The following PHACTR1 variants were observed in gnomAD, a reference collection of about 807,000 sequenced individuals.
PHACTR1 encodes phosphatase and actin regulator 1, also known as RPEL repeat containing 1.
Under a neutral mutation model 69.2 loss-of-function variants are expected in PHACTR1, and 16 were observed. The observed-to-expected ratio is 0.23, with a 90% CI of 0.16 to 0.35. PHACTR1 has a LOEUF of 0.35. Ranked by LOEUF, PHACTR1 falls within the 10% of genes least tolerant of loss-of-function variation. The probability of loss-of-function intolerance (pLI) is 1.00; values close to 1 mark genes in which losing one functional copy is unlikely to be tolerated. For missense variants in PHACTR1, 510 were observed against 734.7 expected (o/e 0.69, Z 3.54); for synonymous variants, 312 against 284.5 (o/e 1.10, Z -0.97).
intron 5 of PHACTR1, among the ~76,000 whole-genome samples, chr6:13,096,357 C>A (rs2127844832): frequency 6.6e-6 from 1 of 152,238 alleles, no homozygotes; most frequent in East Asian, 1.9e-4. Flanking sequence ...GAGATTAAAC[C>A]AATGCTTCAG....
chr6:13,109,852 G>GTGTGTGTGTGTC (rs1816757992), intron 5 of PHACTR1, among the ~76,000 whole-genome samples: 1 of 148,702 alleles, frequency 6.7e-6, no homozygotes. Flanking sequence ...GTGTGTGTGT[G>GTGTGTGTGTGTC]TGTGTGTGTG....
At chr6:13,056,689 G>A (rs1308755888) in intron 5 of PHACTR1, among the ~76,000 whole-genome samples, 1 of 152,150 alleles carries the variant, frequency 6.6e-6, no homozygotes, top group Non-Finnish European at 1.5e-5. Flanking sequence ...ATGGGCAAGT[G>A]GGAATTTACA....
At chr6:12,777,432 T>C (rs992054885) in intron 4 of PHACTR1, among the ~76,000 whole-genome samples, 1 of 151,684 alleles carries the variant, frequency 6.6e-6, no homozygotes, top group Non-Finnish European at 1.5e-5. Flanking sequence ...GTATCTTTCT[T>C]TGTTTCCAGG....
At position 13,156,232 on chromosome 6, in the gene PHACTR1, A is replaced by G. The variant is rs183788179; in HGVS notation, c.416-3972A>G. 4.7e-3 allele frequency among the ~76,000 whole-genome samples: 710 copies of G among 152,266 alleles called. 11 individuals are homozygous for G. Among genetic ancestry groups the G allele is most frequent in the African/African-American group, 0.016 (663 of 41,558 alleles). On this transcript the variant is annotated intron_variant, in intron 5 of 14. Coordinates refer to ENST00000332995, the MANE Select transcript of PHACTR1 (RefSeq NM_030948.6). ...AGATTAAGTTAAGTAACAATTTTTC[A>G]TGCTTCTCAAAATAATCTGTGCATT...
chr6:13,261,992 T>C (rs1235644437), intron 10 of PHACTR1, among the ~76,000 whole-genome samples: 1 of 152,202 alleles, frequency 6.6e-6, no homozygotes, highest in Non-Finnish European at 1.5e-5. Context: ...ACTGAGTGTT[T>C]TGACTCTGTC....
At chr6:12,916,214 G>T (rs1378492802) in intron 4 of PHACTR1, among the ~76,000 whole-genome samples, 1 of 152,064 alleles carries the variant, frequency 6.6e-6, no homozygotes, top group Non-Finnish European at 1.5e-5. Flanking sequence ...TTCGCAGCAG[G>T]TTACTCACAA....
At chr6:13,081,805 C>T (rs1194324236) in intron 5 of PHACTR1, among the ~76,000 whole-genome samples, 2 of 152,066 alleles carry the variant, frequency 1.3e-5, no homozygotes, top group African/African-American at 2.4e-5. Context: ...TCAGCCTAGG[C>T]GATGGAGTAA....
chr6:13,113,349 A>T (rs1016383965), intron 5 of PHACTR1, among the ~76,000 whole-genome samples: 3 of 152,216 alleles, frequency 2.0e-5, no homozygotes, highest in African/African-American at 7.2e-5. Flanking sequence ...GGGAGAATAC[A>T]TCAAAGATTT....
intron 4 of PHACTR1, among the ~76,000 whole-genome samples, chr6:12,843,863 A>G (rs910062789): frequency 1.3e-5 from 2 of 152,222 alleles, no homozygotes; most frequent in African/African-American, 2.4e-5. Context: ...TTTGTATACA[A>G]TGTTTTAGCT....
intron 10 of PHACTR1, among the ~76,000 whole-genome samples, chr6:13,236,401 A>G (rs1771990996): frequency 6.6e-6 from 1 of 152,152 alleles, no homozygotes; most frequent in Non-Finnish European, 1.5e-5. Flanking sequence ...TGGCATACAC[A>G]ACAGAAATGC....
intron 7 of PHACTR1, among the ~76,000 whole-genome samples, chr6:13,205,586 C>G (rs1278429456): frequency 6.6e-6 from 1 of 152,226 alleles, no homozygotes; most frequent in Admixed American, 6.5e-5. Flanking sequence ...CCACTAATGT[C>G]TGGGTTCCTG....
At chr6:12,765,979 C>T (rs1278347898) in intron 4 of PHACTR1, among the ~76,000 whole-genome samples, 1 of 152,158 alleles carries the variant, frequency 6.6e-6, no homozygotes, top group Non-Finnish European at 1.5e-5. Context: ...TTTGAAAATG[C>T]AGAAGTTGAA....
At chr6:12,914,477 A>G (rs1288763135) in intron 4 of PHACTR1, among the ~76,000 whole-genome samples, 1 of 152,196 alleles carries the variant, frequency 6.6e-6, no homozygotes, top group Non-Finnish European at 1.5e-5. Context: ...TTCAGCTACT[A>G]TAGATGCGCT....
chr6:13,218,707 T>C (rs1768056389), intron 8 of PHACTR1, among the ~76,000 whole-genome samples: 1 of 151,662 alleles, frequency 6.6e-6, no homozygotes, highest in Non-Finnish European at 1.5e-5. Flanking sequence ...TAGTACAAGC[T>C]ACTCAGGAGG....
At chr6:12,815,194 T>C (rs1775445273) in intron 4 of PHACTR1, among the ~76,000 whole-genome samples, 1 of 152,208 alleles carries the variant, frequency 6.6e-6, no homozygotes, top group Non-Finnish European at 1.5e-5. Flanking sequence ...ATAACTGCTT[T>C]TTCACATTAA....
Position 13,041,938 on chromosome 6 carries a change from T to TTA in PHACTR1, c.251-11427_251-11426insTA, listed in dbSNP as rs1804245477. Reference sequence around the variant, plus strand: ...CTCGGTTCCTTTAACTATAGAATGGTACAAAACGATACTCAACATTTGATA... The same window carrying TTA: ...CTCGGTTCCTTTAACTATAGAATGGTTAACAAAACGATACTCAACATTTGATA... On this transcript the variant is annotated intron_variant, in intron 4 of 14. Coordinates refer to ENST00000332995, the MANE Select transcript of PHACTR1 (RefSeq NM_030948.6). Among the ~76,000 whole-genome samples the TTA allele has an allele frequency of 2.6e-5, 4 of 152,152 alleles. No individual in the cohort carries two copies. The South Asian group carries it at 8.3e-4, about 32-fold the overall frequency.
intron 5 of PHACTR1, among the ~76,000 whole-genome samples, chr6:13,128,612 A>C (rs1295727813): frequency 6.6e-6 from 1 of 151,924 alleles, no homozygotes. Flanking sequence ...CAATGAAAAA[A>C]AATTTTAAAT....
At chr6:13,015,349 C>T (rs1437198383) in intron 4 of PHACTR1, among the ~76,000 whole-genome samples, 3 of 152,150 alleles carry the variant, frequency 2.0e-5, no homozygotes, top group South Asian at 2.1e-4. Context: ...TGGAGGAAGG[C>T]GCACACACAA....
At chr6:13,000,114 C>T (rs568931154) in intron 4 of PHACTR1, among the ~76,000 whole-genome samples, 1 of 152,316 alleles carries the variant, frequency 6.6e-6, no homozygotes, top group Admixed American at 6.5e-5. Context: ...GGCACCCTCA[C>T]TGCTATGATC....
Sources: gnomAD v4.1 joint callset for allele counts (sites outside exome capture counted in the v4.1 genomes callset) on GRCh38, gnomAD v4.1.1 for gene constraint, MANE v1.5 for transcripts, NCBI Gene and HGNC (gene_info 2026-07-23, HGNC 2026-07-21) for gene names.